LHFPL2: variants seen among roughly 807,000 people sequenced by gnomAD.
LHFPL2 encodes LHFPL tetraspan subfamily member 2 protein.
A neutral mutation model predicts 17.5 loss-of-function variants in LHFPL2; 7 were observed. The ratio of observed to expected loss-of-function variants is 0.40; its 90% confidence interval spans 0.23 to 0.75. The LOEUF (loss-of-function observed/expected upper bound fraction) is 0.75, where lower values mean the gene tolerates loss of function less well. Ranked by LOEUF, LHFPL2 falls within the 30% of genes least tolerant of loss-of-function variation. LHFPL2 has a pLI of 0.37. For missense variants in LHFPL2, 241 were observed against 294.8 expected, an observed-to-expected ratio of 0.82 and a Z score of 1.34; for synonymous variants, 134 against 116.2, an observed-to-expected ratio of 1.15 and a Z score of -0.99.
At chr5:78,560,985 T>C (rs1418960792) in intron 3 of LHFPL2, among the ~76,000 whole-genome samples, 1 of 152,204 alleles carries the variant, frequency 6.6e-6, no homozygotes, top group Non-Finnish European at 1.5e-5. Flanking sequence ...TTTTAATAAA[T>C]TTCATATAAC....
intron 4 of LHFPL2, among the ~76,000 whole-genome samples, chr5:78,492,262 G>T (rs533378817): frequency 1.3e-5 from 2 of 152,338 alleles, no homozygotes; most frequent in African/African-American, 4.8e-5. Flanking sequence ...CCCTTTAAAA[G>T]ACCAAAGTGT....
rs116058746 is a variant in LHFPL2, at chr5:78,606,108, C to T, written c.-245+26156G>A. On this transcript the variant is annotated intron_variant, in intron 2 of 4. Coordinates refer to ENST00000380345, the MANE Select transcript of LHFPL2 (RefSeq NM_005779.3). ...CAAGTGCCCACTCTGCCTTAGGCAA[C>T]GTGCTCCTGGGTCAGGTTTCTTGAG... Among the ~76,000 whole-genome samples the T allele has an allele frequency of 3.3e-3, 506 of 152,328 alleles. 3 individuals are homozygous for T. Among genetic ancestry groups the T allele is most frequent in the African/African-American group, 0.012 (484 of 41,582 alleles).
chr5:78,509,579 C>T (rs1041933489), intron 4 of LHFPL2, among the ~76,000 whole-genome samples: 4 of 152,236 alleles, frequency 2.6e-5, no homozygotes, highest in African/African-American at 9.6e-5. Flanking sequence ...ACAAGCCTGT[C>T]TTCCTGTGGG....
chr5:78,538,970 T>C (rs1446703331), intron 3 of LHFPL2, among the ~76,000 whole-genome samples: 1 of 152,172 alleles, frequency 6.6e-6, no homozygotes, highest in Non-Finnish European at 1.5e-5. Context: ...TGCTCTCCAA[T>C]GGCGACATAA....
chr5:78,623,256 TATTAAC>T lies in LHFPL2; in HGVS notation c.-245+9002_-245+9007del, dbSNP rs1744920268. ...ACGAATATGAACCAATCTTCTTGCT[TATTAAC>T]ATTAATTTTTATAGCGGATTGGAAT... On this transcript the variant is annotated intron_variant, in intron 2 of 4. Coordinates refer to ENST00000380345, the MANE Select transcript of LHFPL2 (RefSeq NM_005779.3). Among the ~76,000 whole-genome samples, 4 of 152,246 alleles carry T rather than the reference TATTAAC, an allele frequency of 2.6e-5. No individual in the cohort carries two copies. In the South Asian group the frequency reaches 6.2e-4, roughly 24 times the overall value.
chr5:78,616,656 C>G (rs976330111), intron 2 of LHFPL2, among the ~76,000 whole-genome samples: 1 of 152,164 alleles, frequency 6.6e-6, no homozygotes. Context: ...TAAGGACATG[C>G]AATTGTCACT....
In LHFPL2 at chr5:78,496,311, T is replaced by C. The variant is rs370441447; in HGVS notation, c.431-7158A>G. ...ACGAATTCTAATGAGACATTGCAAC[T>C]TTGCCTTAACATTCACTGATAAACC... On this transcript the variant is annotated intron_variant, in intron 4 of 4. Coordinates refer to ENST00000380345, the MANE Select transcript of LHFPL2 (RefSeq NM_005779.3). Among the ~76,000 whole-genome samples, 117 of 152,328 alleles carry C rather than the reference T, an allele frequency of 7.7e-4. 2 individuals are homozygous for C. In the South Asian group the frequency reaches 0.024, roughly 31 times the overall value.
At chr5:78,549,793 A>G (rs907465421) in intron 3 of LHFPL2, among the ~76,000 whole-genome samples, 2 of 152,222 alleles carry the variant, frequency 1.3e-5, no homozygotes, top group Non-Finnish European at 2.9e-5. Context: ...TGTTGCATCC[A>G]TGTCTAAAAT....
rs773486935 is a variant in LHFPL2, at chr5:78,487,785, G to GT, written c.*1111dup. 2 of 152,198 alleles carry GT rather than the reference G, an allele frequency of 1.3e-5. No homozygotes were observed. Among genetic ancestry groups the GT allele is most frequent in the Non-Finnish European group, 2.9e-5 (2 of 68,040 alleles). The allele number at this position is 152,198 out of a possible 1,614,324, so 9.4% of individuals were successfully genotyped here. A position where few individuals can be genotyped will look rare whatever the true frequency, so the allele number is the denominator to read the frequency against. On this transcript the variant is annotated 3_prime_UTR_variant, in exon 5 of 5. Coordinates refer to ENST00000380345, the MANE Select transcript of LHFPL2 (RefSeq NM_005779.3). The stretch of plus-strand genomic sequence containing the variant: ...TCCTGGAATTAAGGTCTTGGCTGCA[G>GT]TTCTTCAGTTGCAGCAATTTAATGT...
chr5:78,614,927 G>A (rs564918484), intron 2 of LHFPL2, among the ~76,000 whole-genome samples: 101 of 152,286 alleles, frequency 6.6e-4, no homozygotes, highest in African/African-American at 2.2e-3. Flanking sequence ...GTAATTGTTA[G>A]GGCTGATTCC....
At chr5:78,511,587 C>T (rs1032067525) in intron 3 of LHFPL2, among the ~76,000 whole-genome samples, 1 of 152,116 alleles carries the variant, frequency 6.6e-6, no homozygotes, top group Non-Finnish European at 1.5e-5. Flanking sequence ...GCAAAGAGCC[C>T]CCTGGCATGT....
chr5:78,544,162 T>C (rs958153915), intron 3 of LHFPL2, among the ~76,000 whole-genome samples: 1 of 152,176 alleles, frequency 6.6e-6, no homozygotes, highest in Non-Finnish European at 1.5e-5. Context: ...CTTCCAGATA[T>C]AGTTTGTCCT....
At chr5:78,502,416 T>C (rs1025506199) in intron 4 of LHFPL2, among the ~76,000 whole-genome samples, 8 of 152,234 alleles carry the variant, frequency 5.3e-5, no homozygotes, top group African/African-American at 1.4e-4. Flanking sequence ...CTCTAGAACG[T>C]TGAAATACAT....
At chr5:78,502,592 AAGAC>A (rs1176071316) in intron 4 of LHFPL2, among the ~76,000 whole-genome samples, 7 of 152,240 alleles carry the variant, frequency 4.6e-5, no homozygotes, top group African/African-American at 1.4e-4. Context: ...AGGATCACGA[AAGAC>A]AGAGCTCCTG....
At chr5:78,542,838 A>G (rs555544687) in intron 3 of LHFPL2, among the ~76,000 whole-genome samples, 18 of 152,300 alleles carry the variant, frequency 1.2e-4, no homozygotes, top group Non-Finnish European at 2.5e-4. Flanking sequence ...CATCCCCTAC[A>G]GGGCCTCACA....
chr5:78,624,797 TC>T (rs201668044), intron 2 of LHFPL2: 1 of 151,964 alleles, frequency 6.6e-6, no homozygotes, highest in African/African-American at 2.4e-5. Context: ...ATCCTGGTTT[TC>T]TTTTCTTTTT....
chr5:78,557,992 A>ATTTAATTAATT, intron 3 of LHFPL2, among the ~76,000 whole-genome samples: 1 of 152,222 alleles, frequency 6.6e-6, no homozygotes, highest in Non-Finnish European at 1.5e-5. Context: ...TTAATCCAAG[A>ATTTAATTAATT]GAATAGAGAT....
chr5:78,592,522 G>A (rs1168460113), intron 2 of LHFPL2, among the ~76,000 whole-genome samples: 1 of 152,164 alleles, frequency 6.6e-6, no homozygotes, highest in Non-Finnish European at 1.5e-5. Flanking sequence ...AATTATGTAC[G>A]AGACTGGCCC....
rs183484501 is a variant in LHFPL2 at position 78,607,325 on chromosome 5, C to G, written c.-245+24939G>C. 3.1e-4 allele frequency among the ~76,000 whole-genome samples: 47 copies of G among 152,134 alleles called. 2 individuals are homozygous for G. The East Asian group carries it at 8.7e-3, about 28-fold the overall frequency. On this transcript the variant is annotated intron_variant, in intron 2 of 4. Coordinates refer to ENST00000380345, the MANE Select transcript of LHFPL2 (RefSeq NM_005779.3). ...ACGGGGTTTCACCATGTTGGCCAGGCTGGTCTTGAACTCCTGACCTCAAGT... is the reference window on the plus strand; with the variant it reads ...ACGGGGTTTCACCATGTTGGCCAGGGTGGTCTTGAACTCCTGACCTCAAGT...
Sources: gnomAD v4.1 joint callset for allele counts (sites outside exome capture counted in the v4.1 genomes callset) on GRCh38, gnomAD v4.1.1 for gene constraint, MANE v1.5 for transcripts, NCBI Gene and HGNC (gene_info 2026-07-23, HGNC 2026-07-21) for gene names.